The following CPQ variants were observed in gnomAD, a reference collection of about 807,000 sequenced individuals.
CPQ encodes Ser-Met dipeptidase.
In CPQ, 37 loss-of-function variants were observed where a neutral mutation model predicts 45.7. That is an observed-to-expected ratio of 0.81 (90% CI 0.62 to 1.07). The LOEUF is 1.07. Ranked by LOEUF, CPQ falls within the 50% of genes least tolerant of loss-of-function variation. The pLI, the probability that CPQ is intolerant of heterozygous loss-of-function variation, is 0.00. For synonymous variants in CPQ, 186 were observed against 205.8 expected (o/e 0.90, Z 0.82); for missense variants, 537 against 572.9 (o/e 0.94, Z 0.64).
chr8:96,803,083 A>G lies in CPQ; in HGVS notation c.433+17753A>G, dbSNP rs540608107. 1.2e-3 allele frequency among the ~76,000 whole-genome samples: 176 copies of G among 152,268 alleles called. 2 individuals carry two copies. The highest frequency in any genetic ancestry group is 4.0e-3 in the African/African-American group (167 of 41,562). On this transcript the variant is annotated intron_variant, in intron 2 of 7. Transcript: ENST00000220763. ...CATCTACCAGATGGAGACCCAGGAA[A>G]GCCAGTGGTGTAGTTTGAAGGACTG...
At chr8:96,690,258 T>C (rs1464565149) in intron 1 of CPQ, among the ~76,000 whole-genome samples, 1 of 152,198 alleles carries the variant, frequency 6.6e-6, no homozygotes, top group Non-Finnish European at 1.5e-5. Flanking sequence ...TTATTCCTTT[T>C]AAAAAATAAT....
intron 5 of CPQ, among the ~76,000 whole-genome samples, chr8:97,012,555 C>T (rs975431382): frequency 1.3e-5 from 2 of 152,112 alleles, no homozygotes; most frequent in African/African-American, 2.4e-5. Flanking sequence ...ATTTCAAAAA[C>T]GGAGTGTTCA....
chr8:96,701,575 G>A lies in CPQ; in HGVS notation c.-35+56173G>A, dbSNP rs79824015. 2.9e-3 allele frequency among the ~76,000 whole-genome samples: 446 copies of A among 152,298 alleles called. 15 individuals carry two copies. In the East Asian group the frequency reaches 0.072, roughly 24 times the overall value. ...CTAACTGGAAGCGCATACTAGAAAA[G>A]CATGAGAAAGGGCTTCTTGTCCTGA... On this transcript the variant is annotated intron_variant, in intron 1 of 7. Transcript: ENST00000220763.
At chr8:96,659,507 A>T (rs1453500566) in intron 1 of CPQ, among the ~76,000 whole-genome samples, 1 of 152,192 alleles carries the variant, frequency 6.6e-6, no homozygotes, top group African/African-American at 2.4e-5. Flanking sequence ...GTTGGTACTG[A>T]AATTGGAAGT....
At chr8:96,965,886 T>G in intron 4 of CPQ, 49 bp from the exon 5 acceptor site, 1 of 1,158,172 alleles carries the variant, frequency 8.6e-7, no homozygotes, top group Non-Finnish European at 1.2e-6. Context: ...TACTCTTTGA[T>G]GTCATTTTTG....
chr8:97,049,898 T>C (rs1019527840), intron 6 of CPQ, among the ~76,000 whole-genome samples: 2 of 152,218 alleles, frequency 1.3e-5, no homozygotes, highest in African/African-American at 2.4e-5. Flanking sequence ...GACAAGGTGC[T>C]AAAGGTGTAC....
chr8:96,827,435 A>C (rs1462632795), intron 2 of CPQ, among the ~76,000 whole-genome samples: 1 of 152,066 alleles, frequency 6.6e-6, no homozygotes, highest in East Asian at 1.9e-4. Flanking sequence ...TTTAGTAAAA[A>C]CTGGAGCTGT....
At chr8:97,019,830 C>CT (rs1035460426) in intron 5 of CPQ, among the ~76,000 whole-genome samples, 22 of 152,172 alleles carry the variant, frequency 1.4e-4, no homozygotes, top group African/African-American at 5.1e-4. Flanking sequence ...CACAGAAAGT[C>CT]AACAAAGAAA....
intron 7 of CPQ, among the ~76,000 whole-genome samples, chr8:97,126,133 A>G (rs901954454): frequency 5.3e-5 from 8 of 152,356 alleles, no homozygotes; most frequent in African/African-American, 1.9e-4. Flanking sequence ...TTGTTTTAAA[A>G]TAATTATCCT....
intron 1 of CPQ, among the ~76,000 whole-genome samples, chr8:96,748,044 C>T (rs1442116215): frequency 6.6e-6 from 1 of 152,194 alleles, no homozygotes; most frequent in Non-Finnish European, 1.5e-5. Context: ...TGCCAGAAAT[C>T]ACCTAATTAG....
At chr8:97,115,638 T>C (rs1811573401) in intron 7 of CPQ, among the ~76,000 whole-genome samples, 1 of 152,208 alleles carries the variant, frequency 6.6e-6, no homozygotes, top group South Asian at 2.1e-4. Flanking sequence ...GAAGGAGAAA[T>C]TGATTTCCTT....
chr8:96,653,919 G>A (rs1339043880), intron 1 of CPQ, among the ~76,000 whole-genome samples: 8 of 152,148 alleles, frequency 5.3e-5, no homozygotes, highest in Non-Finnish European at 1.0e-4. Context: ...TTTCTGTATG[G>A]CTACTTTTCT....
intron 5 of CPQ, among the ~76,000 whole-genome samples, chr8:96,996,383 T>A (rs1025815293): frequency 6.6e-6 from 1 of 151,994 alleles, no homozygotes; most frequent in African/African-American, 2.4e-5. Flanking sequence ...CACAAAGGAT[T>A]TGCAGACCAG....
At chr8:96,847,837 T>C (rs1471121181) in intron 3 of CPQ, among the ~76,000 whole-genome samples, 1 of 126,634 alleles carries the variant, frequency 7.9e-6, no homozygotes, top group African/African-American at 3.3e-5. Flanking sequence ...TTTGTTTTCC[T>C]TTTTTTTTTT....
chr8:96,915,199 C>T (rs1394495045), intron 4 of CPQ, among the ~76,000 whole-genome samples: 2 of 152,116 alleles, frequency 1.3e-5, no homozygotes, highest in Non-Finnish European at 2.9e-5. Context: ...ACTTCAGGGG[C>T]CTATGTTTTT....
At chr8:96,901,638 C>G (rs1367114175) in intron 4 of CPQ, among the ~76,000 whole-genome samples, 1 of 152,162 alleles carries the variant, frequency 6.6e-6, no homozygotes, top group Non-Finnish European at 1.5e-5. Context: ...TTAGGTTCCC[C>G]CTCAAAAGCA....
chr8:96,765,935 T>TG (rs1810462641), intron 1 of CPQ, among the ~76,000 whole-genome samples: 1 of 152,162 alleles, frequency 6.6e-6, no homozygotes, highest in Admixed American at 6.5e-5. Context: ...AGCAGAGTGC[T>TG]GTGTACGATG....
At chr8:96,654,866 A>C (rs1815620492) in intron 1 of CPQ, among the ~76,000 whole-genome samples, 1 of 151,938 alleles carries the variant, frequency 6.6e-6, no homozygotes, top group African/African-American at 2.4e-5. Context: ...AACAGTAGTT[A>C]GCCTATGCCT....
chr8:96,650,826 C>T (rs190084048), intron 1 of CPQ, among the ~76,000 whole-genome samples: 9 of 152,234 alleles, frequency 5.9e-5, no homozygotes, highest in Non-Finnish European at 1.2e-4. Flanking sequence ...GTGTTATCTA[C>T]GTAAATCAAA....
Sources: allele counts gnomAD v4.1 joint callset (sites outside exome capture counted in the v4.1 genomes callset), GRCh38; gene constraint gnomAD v4.1.1; transcripts MANE v1.5; gene names NCBI Gene and HGNC (gene_info 2026-07-23, HGNC 2026-07-21).